Variants in RORB observed in about 807,000 individuals in gnomAD.
RORB encodes RAR related orphan receptor B, also known as nuclear receptor ROR-beta.
Under a neutral mutation model 59.1 loss-of-function variants are expected in RORB, and 6 were observed. The ratio of observed to expected loss-of-function variants is 0.10; its 90% confidence interval spans 0.06 to 0.20. The LOEUF (loss-of-function observed/expected upper bound fraction) is 0.20. RORB is among the 10% of genes least tolerant of loss of function. The pLI is 1.00. For synonymous variants in RORB, 215 were observed against 204.5 expected (o/e 1.05, Z -0.44); for missense variants, 320 against 560.5 (o/e 0.57, Z 4.33).
At chr9:74,580,140 G>A (rs1822699792) in intron 1 of RORB, among the ~76,000 whole-genome samples, 1 of 151,974 alleles carries the variant, frequency 6.6e-6, no homozygotes, top group Non-Finnish European at 1.5e-5. Context: ...ATCCACTAGG[G>A]GTTTAAGACC....
intron 1 of RORB, among the ~76,000 whole-genome samples, chr9:74,506,735 G>A (rs1489459813): frequency 6.6e-6 from 1 of 152,068 alleles, no homozygotes; most frequent in Non-Finnish European, 1.5e-5. Context: ...GCATTAGCAT[G>A]AATCTCATCT....
chr9:74,639,049 T>G (rs1823750307), intron 3 of RORB, among the ~76,000 whole-genome samples: 1 of 152,244 alleles, frequency 6.6e-6, no homozygotes, highest in Non-Finnish European at 1.5e-5. Context: ...AGCATACTCT[T>G]TTGACATTGT....
At chr9:74,556,955 T>A (rs550818823) in intron 1 of RORB, among the ~76,000 whole-genome samples, 3 of 152,280 alleles carry the variant, frequency 2.0e-5, no homozygotes, top group Admixed American at 6.5e-5. Context: ...CTTGATAATT[T>A]TTTTTTCTGC....
At chr9:74,517,234 G>T (rs1826022752) in intron 1 of RORB, among the ~76,000 whole-genome samples, 1 of 151,778 alleles carries the variant, frequency 6.6e-6, no homozygotes, top group African/African-American at 2.4e-5. Context: ...TTCTTAAAAT[G>T]AATCAATGTT....
At chr9:74,591,758 G>A (rs1429781300) in intron 1 of RORB, among the ~76,000 whole-genome samples, 1 of 152,122 alleles carries the variant, frequency 6.6e-6, no homozygotes, top group Non-Finnish European at 1.5e-5. Context: ...TTATATCACA[G>A]GGATTCCAGT....
chr9:74,508,171 C>CA (rs1563923971), intron 1 of RORB, among the ~76,000 whole-genome samples: 1 of 151,594 alleles, frequency 6.6e-6, no homozygotes, highest in Admixed American at 6.6e-5. Context: ...CTTGTGATTT[C>CA]AAAAAAAGTT....
chr9:74,589,122 T>G (rs1822850924), intron 1 of RORB, among the ~76,000 whole-genome samples: 2 of 152,310 alleles, frequency 1.3e-5, no homozygotes, highest in South Asian at 2.1e-4. Flanking sequence ...TTGAAAATAA[T>G]TGTCCATGTT....
intron 1 of RORB, among the ~76,000 whole-genome samples, chr9:74,517,072 T>G (rs181703652): frequency 6.6e-6 from 1 of 152,074 alleles, no homozygotes; most frequent in African/African-American, 2.4e-5. Flanking sequence ...CTTCCAAGAA[T>G]CTAAAATAGC....
chr9:74,619,953 T>C (rs1330060648), intron 1 of RORB, among the ~76,000 whole-genome samples: 3 of 152,226 alleles, frequency 2.0e-5, no homozygotes, highest in African/African-American at 4.8e-5. Flanking sequence ...CAGTATTTTA[T>C]TGAGGATTTT....
intron 1 of RORB, among the ~76,000 whole-genome samples, chr9:74,598,311 T>C (rs976278151): frequency 6.6e-5 from 10 of 152,038 alleles, no homozygotes; most frequent in Admixed American, 1.3e-4. Context: ...GTTCTGTTTT[T>C]CCTCCAAACA....
chr9:74,561,308 G>C (rs1822393827), intron 1 of RORB, among the ~76,000 whole-genome samples: 1 of 152,070 alleles, frequency 6.6e-6, no homozygotes, highest in Admixed American at 6.6e-5. Flanking sequence ...GAAATATCAG[G>C]AGAAATAGTT....
intron 1 of RORB, among the ~76,000 whole-genome samples, chr9:74,586,518 G>A (rs1257538430): frequency 6.6e-6 from 1 of 151,468 alleles, no homozygotes; most frequent in African/African-American, 2.4e-5. Context: ...AAAAAAGAGA[G>A]AAATATATTT....
chr9:74,570,185 T>G (rs1822530231), intron 1 of RORB, among the ~76,000 whole-genome samples: 1 of 152,140 alleles, frequency 6.6e-6, no homozygotes, highest in Admixed American at 6.5e-5. Context: ...TAAGCATTCT[T>G]CAAATAGCTT....
At chr9:74,623,100 A>C (rs1413138238) in intron 1 of RORB, among the ~76,000 whole-genome samples, 2 of 152,178 alleles carry the variant, frequency 1.3e-5, no homozygotes, top group Non-Finnish European at 2.9e-5. Context: ...GTTTCAAAAA[A>C]CTGCTTGATC....
intron 1 of RORB, among the ~76,000 whole-genome samples, chr9:74,542,234 A>G (rs1403250790): frequency 1.3e-5 from 2 of 152,242 alleles, no homozygotes; most frequent in Non-Finnish European, 2.9e-5. Context: ...TTCAGATACT[A>G]GAATTACAGG....
At chr9:74,630,433 G>T in intron 2 of RORB, 66 bp downstream of exon 2, 1 of 890,962 alleles carries the variant, frequency 1.1e-6, no homozygotes. Flanking sequence ...CACAAGATGC[G>T]GTGACACGTT....
At chr9:74,620,028 C>T (rs1247592745) in intron 1 of RORB, among the ~76,000 whole-genome samples, 1 of 152,120 alleles carries the variant, frequency 6.6e-6, no homozygotes, top group East Asian at 1.9e-4. Context: ...CTCTGCCAGG[C>T]TTTGGTATCA....
intron 1 of RORB, among the ~76,000 whole-genome samples, chr9:74,588,975 G>T (rs1198828165): frequency 6.6e-6 from 1 of 151,820 alleles, no homozygotes. Context: ...AGAAGTGAAG[G>T]CTTCATGTTC....
chr9:74,536,532 A>G (rs1029082927), intron 1 of RORB, among the ~76,000 whole-genome samples: 3 of 152,002 alleles, frequency 2.0e-5, no homozygotes, highest in African/African-American at 7.2e-5. Context: ...AATATTTGGT[A>G]AATTAATTAT....
Sources: allele counts gnomAD v4.1 joint callset (sites outside exome capture counted in the v4.1 genomes callset), GRCh38; gene constraint gnomAD v4.1.1; transcripts MANE v1.5; gene names NCBI Gene and HGNC (gene_info 2026-07-23, HGNC 2026-07-21).